The following ARFIP1 variants were observed in gnomAD, a reference collection of about 807,000 sequenced individuals.
ARFIP1 encodes ARF interacting protein 1.
ARFIP1 carries 24 observed loss-of-function variants against 42.5 expected under a neutral mutation model. That is an observed-to-expected ratio of 0.57 (90% confidence interval 0.41 to 0.80). ARFIP1 has a LOEUF of 0.80. Among genes scored for constraint, ARFIP1 ranks in the 30% least tolerant of loss-of-function variants. The pLI, the probability that ARFIP1 is intolerant of heterozygous loss-of-function variation, is 0.00. For synonymous variants in ARFIP1, 141 were observed against 153.7 expected (o/e 0.92, Z 0.61); for missense variants, 354 against 434.0 (o/e 0.82, Z 1.64).
intron 5 of ARFIP1, among the ~76,000 whole-genome samples, chr4:152,879,719 C>T: frequency 6.6e-6 from 1 of 152,016 alleles, no homozygotes; most frequent in East Asian, 1.9e-4. Flanking sequence ...TGTGGTGTCG[C>T]ATGCCTCTAA....
At chr4:152,878,403 A>G (rs145812162) in intron 5 of ARFIP1, among the ~76,000 whole-genome samples, 15 of 152,366 alleles carry the variant, frequency 9.8e-5, no homozygotes, top group African/African-American at 2.6e-4. Context: ...AATCCACTGT[A>G]GAGATCATCT....
At chr4:152,865,604 C>G (rs1350318946) in intron 3 of ARFIP1, among the ~76,000 whole-genome samples, 8 of 152,176 alleles carry the variant, frequency 5.3e-5, no homozygotes, top group Admixed American at 5.2e-4. Flanking sequence ...CTACTGACAT[C>G]ATTTTTTTCT....
intron 8 of ARFIP1, among the ~76,000 whole-genome samples, chr4:152,899,287 CAT>C (rs1229958909): frequency 6.6e-6 from 1 of 151,992 alleles, no homozygotes; most frequent in Admixed American, 6.6e-5. Context: ...AAAAAGAAAA[CAT>C]TGGTGGGATC....
intron 1 of ARFIP1, chr4:152,809,780 A>G (rs1729302121): frequency 6.6e-6 from 1 of 152,232 alleles, no homozygotes; most frequent in African/African-American, 2.4e-5. Context: ...TCTTCATGTT[A>G]CAATGCTAAT....
chr4:152,904,352 C>T lies in ARFIP1; in HGVS notation c.967-5712C>T, dbSNP rs375213239. Among the ~76,000 whole-genome samples the T allele has an allele frequency of 5.6e-3, 846 of 151,768 alleles. 8 individuals are homozygous for T. Among genetic ancestry groups the T allele is most frequent in the African/African-American group, 0.018 (756 of 41,360 alleles). On this transcript the variant is annotated intron_variant, in intron 8 of 8. Coordinates refer to ENST00000353617, the MANE Select transcript of ARFIP1 (RefSeq NM_001025595.3). ...GACTACAGGTGCGTGCCACCACGCC[C>T]GGCTCATTTTTCGTATTTTTAGTAG... is the stretch of plus-strand genomic sequence containing the variant.
chr4:152,791,030 G>T (rs1331015649), intron 1 of ARFIP1, among the ~76,000 whole-genome samples: 2 of 151,988 alleles, frequency 1.3e-5, no homozygotes, highest in Non-Finnish European at 2.9e-5. Context: ...GAGCCACCAT[G>T]CCTGGCCCGA....
intron 1 of ARFIP1, among the ~76,000 whole-genome samples, chr4:152,821,960 A>G (rs193154249): frequency 1.6e-4 from 25 of 152,360 alleles, no homozygotes; most frequent in Non-Finnish European, 2.6e-4. Flanking sequence ...AGAAATGTTA[A>G]AAGGAGTTCT....
At chr4:152,780,814 T>C (rs2149809413) in intron 1 of ARFIP1, among the ~76,000 whole-genome samples, 2 of 152,366 alleles carry the variant, frequency 1.3e-5, no homozygotes, top group East Asian at 3.8e-4. Flanking sequence ...TTTACGTGTC[T>C]AGGAAAAGGA....
intron 8 of ARFIP1, among the ~76,000 whole-genome samples, chr4:152,901,519 G>C (rs1737832517): frequency 6.6e-6 from 1 of 152,192 alleles, no homozygotes; most frequent in Non-Finnish European, 1.5e-5. Flanking sequence ...TTGTTTGGCA[G>C]ATGTTTACGA....
chr4:152,888,185 C>A lies in ARFIP1; in HGVS notation c.844C>A (p.Arg282Ser). ...TDLEELNLGP[R>S]DANTLPKIEQ... ...TTTGGAAGAACTGAATCTTGGACCACGTGACGCAAACACTCTGCCAAAGAT... is the reference window on the plus strand; with the variant it reads ...TTTGGAAGAACTGAATCTTGGACCAAGTGACGCAAACACTCTGCCAAAGAT... The change falls in exon 8 of 9, where the codon CGT (arginine) becomes AGT (serine). Residue 282 changes from arginine (R) to serine (S), a missense_variant. By Grantham distance (110) the Arg-to-Ser change is moderately radical. Coordinates refer to ENST00000353617, the MANE Select transcript of ARFIP1 (RefSeq NM_001025595.3). 6.2e-7 allele frequency: 1 copy of A among 1,611,838 alleles called. No individual in the cohort carries two copies. Among genetic ancestry groups the A allele is most frequent in the East Asian group, 2.2e-5 (1 of 44,822 alleles).
chr4:152,872,866 G>A (rs1366501564), intron 5 of ARFIP1, among the ~76,000 whole-genome samples: 2 of 152,152 alleles, frequency 1.3e-5, no homozygotes, highest in African/African-American at 2.4e-5. Context: ...AGATATATTT[G>A]CTCCTTCCCC....
intron 2 of ARFIP1, among the ~76,000 whole-genome samples, chr4:152,855,571 C>G (rs1561145140): frequency 6.6e-6 from 1 of 152,240 alleles, no homozygotes; most frequent in Non-Finnish European, 1.5e-5. Flanking sequence ...GTCCTAGGGC[C>G]TGCAGCCCAT....
Position 152,900,648 on chromosome 4 carries a change from C to T in ARFIP1, c.967-9416C>T, listed in dbSNP as rs187615690. The stretch of plus-strand genomic sequence containing the variant: ...TGCAAACTAATAAAATTATACTCCA[C>T]AAACCTAATAAAAGGCCAAGGCAGG... On this transcript the variant is annotated intron_variant, in intron 8 of 8. Coordinates refer to ENST00000353617, the MANE Select transcript of ARFIP1 (RefSeq NM_001025595.3). 3.9e-5 allele frequency among the ~76,000 whole-genome samples: 6 copies of T among 152,260 alleles called. No homozygotes were observed. The East Asian group carries it at 1.2e-3, about 29-fold the overall frequency.
intron 1 of ARFIP1, among the ~76,000 whole-genome samples, chr4:152,800,095 G>A (rs1331769463): frequency 6.6e-6 from 1 of 152,236 alleles, no homozygotes; most frequent in South Asian, 2.1e-4. Flanking sequence ...GAACAGGTAC[G>A]TGAGTATAAG....
intron 2 of ARFIP1, among the ~76,000 whole-genome samples, chr4:152,839,510 G>A (rs1561133948): frequency 6.6e-6 from 1 of 152,076 alleles, no homozygotes; most frequent in Non-Finnish European, 1.5e-5. Flanking sequence ...AAGCTAGGAA[G>A]GTTGTATTTT....
chr4:152,789,399 A>C (rs769622644), intron 1 of ARFIP1, among the ~76,000 whole-genome samples: 3 of 152,112 alleles, frequency 2.0e-5, no homozygotes, highest in Admixed American at 1.3e-4. Flanking sequence ...CAAGAATACA[A>C]ACTATTAATA....
At chr4:152,837,056 C>A (rs866207065) in intron 2 of ARFIP1, among the ~76,000 whole-genome samples, 2 of 152,090 alleles carry the variant, frequency 1.3e-5, no homozygotes, top group African/African-American at 4.8e-5. Context: ...TGAGTTACGT[C>A]ATTTAGAATA....
intron 2 of ARFIP1, among the ~76,000 whole-genome samples, chr4:152,862,551 A>G (rs905947340): frequency 4.6e-5 from 7 of 152,166 alleles, no homozygotes; most frequent in African/African-American, 1.2e-4. Flanking sequence ...AATGGTTTAG[A>G]AAAAATATAT....
intron 7 of ARFIP1, among the ~76,000 whole-genome samples, chr4:152,887,669 A>G (rs1267657814): frequency 1.3e-5 from 2 of 152,096 alleles, no homozygotes; most frequent in East Asian, 3.8e-4. Context: ...TTTAAATTAC[A>G]TGTGTTACTC....
Sources: allele counts gnomAD v4.1 joint callset (sites outside exome capture counted in the v4.1 genomes callset), GRCh38; gene constraint gnomAD v4.1.1; transcripts MANE v1.5; gene names NCBI Gene and HGNC (gene_info 2026-07-23, HGNC 2026-07-21).